The following IL17F variants were observed in gnomAD, a reference collection of about 807,000 sequenced individuals.
IL17F encodes the protein interleukin 17F.
Under a neutral mutation model 8.3 loss-of-function variants are expected in IL17F, and 6 were observed. The observed-to-expected ratio is 0.73, with a 90% confidence interval of 0.40 to 1.43. The LOEUF is 1.43. Ranked by LOEUF, IL17F falls within the 40% of genes most tolerant of loss-of-function variation. IL17F has a pLI of 0.02. For synonymous variants in IL17F, 98 were observed against 81.6 expected (o/e 1.20, Z -1.08); for missense variants, 204 against 209.6 (o/e 0.97, Z 0.17).
chr6:52,241,803 C>CA (rs1764079739), intron 1 of IL17F, among the ~76,000 whole-genome samples: 2 of 152,190 alleles, frequency 1.3e-5, no homozygotes, highest in Non-Finnish European at 2.9e-5. Context: ...GAGTACCAGT[C>CA]TGGGGACTCA....
chr6:52,241,818 T>C (rs1764080028), intron 1 of IL17F, among the ~76,000 whole-genome samples: 1 of 152,232 alleles, frequency 6.6e-6, no homozygotes, highest in Non-Finnish European at 1.5e-5. Context: ...GACTCAAACC[T>C]AGGTGTCAGT....
At chr6:52,243,422 T>A (rs1764105551) in intron 1 of IL17F, among the ~76,000 whole-genome samples, 1 of 152,090 alleles carries the variant, frequency 6.6e-6, no homozygotes, top group Non-Finnish European at 1.5e-5. Context: ...ACAAAATAAA[T>A]AAATAGCAAT....
At chr6:52,243,553 C>T (rs1764107003) in intron 1 of IL17F, among the ~76,000 whole-genome samples, 1 of 152,218 alleles carries the variant, frequency 6.6e-6, no homozygotes, top group African/African-American at 2.4e-5. Context: ...CTTGAGGCCC[C>T]AGTTTCCTTG....
intron 2 of IL17F, 22 bp downstream of exon 2, chr6:52,238,708 A>T: frequency 6.3e-7 from 1 of 1,586,316 alleles, no homozygotes; most frequent in Non-Finnish European, 8.7e-7. Context: ...AGAATGTGAA[A>T]ATCAGTCTCA....
intron 1 of IL17F, among the ~76,000 whole-genome samples, chr6:52,240,500 G>A (rs1013376979): frequency 1.3e-5 from 2 of 150,318 alleles, no homozygotes; most frequent in Non-Finnish European, 3.0e-5. Flanking sequence ...GCTTAGCGTT[G>A]TTCAGGCTCA....
intron 1 of IL17F, among the ~76,000 whole-genome samples, chr6:52,240,282 T>C (rs1464342145): frequency 6.6e-6 from 1 of 151,572 alleles, no homozygotes; most frequent in Non-Finnish European, 1.5e-5. Flanking sequence ...ACTAAAAATA[T>C]AAAAATTAGC....
chr6:52,242,406 A>G lies in IL17F; in HGVS notation c.33+1991T>C, dbSNP rs549128296. On this transcript the variant is annotated intron_variant, in intron 1 of 2. Coordinates refer to ENST00000336123, the MANE Select transcript of IL17F (RefSeq NM_052872.4). Reference sequence around the variant, plus strand: ...AGGTCCATGAGAATTTGCCTCAACTACTTATTGAAGATGTCCTATCTGCCT... The same window carrying G: ...AGGTCCATGAGAATTTGCCTCAACTGCTTATTGAAGATGTCCTATCTGCCT... Among the ~76,000 whole-genome samples, 10 of 152,304 alleles carry G rather than the reference A, an allele frequency of 6.6e-5. 1 individual carries two copies. The East Asian group carries it at 1.3e-3, about 21-fold the overall frequency.
At chr6:52,244,255 G>A (rs939926827) in intron 1 of IL17F, 142 bp downstream of exon 1, 3 of 847,418 alleles carry the variant, frequency 3.5e-6, no homozygotes, top group Non-Finnish European at 6.2e-6. Flanking sequence ...TTCTCCACCA[G>A]ACAGGAGTCA....
intron 2 of IL17F, 52 bp downstream of exon 2, chr6:52,238,678 G>A: frequency 7.1e-7 from 1 of 1,400,282 alleles, no homozygotes; most frequent in Non-Finnish European, 1.0e-6. Context: ...TGATTAGAAT[G>A]AATTAACATA....
In IL17F at chr6:52,243,078, A is replaced by G. The variant is rs1764099918; in HGVS notation, c.33+1319T>C. On this transcript the variant is annotated intron_variant, in intron 1 of 2. Coordinates refer to ENST00000336123, the MANE Select transcript of IL17F (RefSeq NM_052872.4). ...AGTGGAGCCAGGTCTGCCTGACATC[A>G]AAGCCTATGCCCCTAAATATGGCAC... 3.3e-5 allele frequency among the ~76,000 whole-genome samples: 5 copies of G among 152,366 alleles called. No homozygotes were observed. In the South Asian group the frequency reaches 1.0e-3, roughly 32 times the overall value.
intron 1 of IL17F, chr6:52,239,281 C>T (rs1489044376): frequency 5.9e-6 from 2 of 339,752 alleles, no homozygotes; most frequent in East Asian, 1.3e-4. Flanking sequence ...TTCCTTCCAA[C>T]TGGATAATAA....
At chr6:52,237,400 A>G (rs556034296) in intron 2 of IL17F, among the ~76,000 whole-genome samples, 1 of 152,292 alleles carries the variant, frequency 6.6e-6, no homozygotes, top group Non-Finnish European at 1.5e-5. Flanking sequence ...CCATTTTCTC[A>G]TGCAACTGTT....
Position 52,237,125 on chromosome 6 carries a change from C to A in IL17F, c.298G>T (p.Ala100Ser). The A allele has an allele frequency of 6.2e-7, 1 of 1,614,138 alleles. No individual in the cohort carries two copies. The highest frequency in any genetic ancestry group is 1.3e-5 in the African/African-American group (1 of 75,044). The change falls in exon 3 of 3, where the codon GCC (alanine) becomes TCC (serine). Residue 100 changes from alanine to serine, a missense_variant. Ala to Ser is a moderately conservative substitution (Grantham distance 99). Transcript: ENST00000336123. ...PNRYPSEVVQAQCRNLGCINA... is the reference protein window; with the variant it reads ...PNRYPSEVVQSQCRNLGCINA... ...ATGCAGCCCAAGTTCCTACACTGGGCCTGTACAACTTCCGAGGGGTACCGG... is the reference window on the plus strand; with the variant it reads ...ATGCAGCCCAAGTTCCTACACTGGGACTGTACAACTTCCGAGGGGTACCGG...
At chr6:52,237,963 G>A (rs1219707841) in intron 2 of IL17F, among the ~76,000 whole-genome samples, 1 of 152,214 alleles carries the variant, frequency 6.6e-6, no homozygotes, top group African/African-American at 2.4e-5. Context: ...ATGGGAGGCA[G>A]AGCGGATCTC....
intron 1 of IL17F, 29 bp from the exon 2 acceptor site, chr6:52,238,979 TAG>T: frequency 6.3e-7 from 1 of 1,591,896 alleles, no homozygotes; most frequent in African/African-American, 1.3e-5. Flanking sequence ...TGCAATCAGT[TAG>T]AGACTCGCCT....
At chr6:52,237,912 T>C (rs555907894) in intron 2 of IL17F, among the ~76,000 whole-genome samples, 2 of 151,986 alleles carry the variant, frequency 1.3e-5, no homozygotes, top group African/African-American at 4.8e-5. Context: ...ACACACACAG[T>C]AGGCAAAGAG....
upstream of IL17F, chr6:52,244,541 C>T: frequency 9.4e-7 from 1 of 1,059,558 alleles, no homozygotes; most frequent in Admixed American, 1.8e-5. Context: ...CAATCATTGC[C>T]CCTGTTTCGA....
At chr6:52,243,224 G>T (rs1226045451) in intron 1 of IL17F, among the ~76,000 whole-genome samples, 2 of 152,020 alleles carry the variant, frequency 1.3e-5, no homozygotes, top group African/African-American at 2.4e-5. Context: ...GCTTGTAAAA[G>T]GAGAAAAAAA....
At chr6:52,239,192 C>T in intron 1 of IL17F, 1 of 515,080 alleles carries the variant, frequency 1.9e-6, no homozygotes, top group South Asian at 2.2e-5. Flanking sequence ...AGCTCCCAAA[C>T]AGTGAGACAG....
Sources: gnomAD v4.1 joint callset for allele counts (sites outside exome capture counted in the v4.1 genomes callset) on GRCh38, gnomAD v4.1.1 for gene constraint, MANE v1.5 for transcripts, NCBI Gene and HGNC (gene_info 2026-07-23, HGNC 2026-07-21) for gene names.